SUPT20H: variants seen among roughly 807,000 people sequenced by gnomAD.
SUPT20H encodes transcription factor SPT20 homolog.
Under a neutral mutation model 122.8 loss-of-function variants are expected in SUPT20H, and 82 were observed. That is an observed-to-expected ratio of 0.67 (90% CI 0.56 to 0.80). The LOEUF is 0.80. Ranked by LOEUF, SUPT20H falls within the 30% of genes least tolerant of loss-of-function variation. The pLI is 0.00. For missense variants in SUPT20H, 831 were observed against 921.6 expected (o/e 0.90, Z 1.27); for synonymous variants, 291 against 313.0 (o/e 0.93, Z 0.74).
chr13:37,037,098 G>T (rs971012766), intron 9 of SUPT20H, among the ~76,000 whole-genome samples: 4 of 151,742 alleles, frequency 2.6e-5, no homozygotes, highest in Non-Finnish European at 5.9e-5. Context: ...TCAGGAGGCC[G>T]AGGTGGGAGG....
rs998114200 is a variant in SUPT20H at position 37,016,270 on chromosome 13, C to CA, written c.1992+974dup. On this transcript the variant is annotated intron_variant, in intron 23 of 25. Transcript: ENST00000350612. ...TGAAACTCCGTCTCTACTAAAAATA[C>CA]AAAAAAAAAATTAGTCGGGCGTGGT... 1.6e-3 allele frequency among the ~76,000 whole-genome samples: 243 copies of CA among 147,734 alleles called. 2 individuals are homozygous for CA. Among genetic ancestry groups the CA allele is most frequent in the African/African-American group, 5.1e-3 (206 of 40,408 alleles).
intron 23 of SUPT20H, among the ~76,000 whole-genome samples, chr13:37,016,345 G>A (rs1271373035): frequency 4.0e-5 from 6 of 151,758 alleles, no homozygotes; most frequent in East Asian, 1.9e-4. Context: ...CAGGAGAATC[G>A]CTTCAACCCA....
rs2059421158 is a variant in SUPT20H at position 37,010,561 on chromosome 13, TTGC to T, written c.2190_2192del (p.Gln732del). The T allele has an allele frequency of 1.2e-6, 2 of 1,613,530 alleles. No homozygotes were observed. The highest frequency in any genetic ancestry group is 1.3e-5 in the African/African-American group (1 of 74,894). ...GAAGTTGCTGGATTACTTGTATCTGTTGCTGCTGCTGTTGAAAGGCAGAGGAGA... is the reference window on the plus strand; with the variant it reads ...GAAGTTGCTGGATTACTTGTATCTGTTGCTGCTGTTGAAAGGCAGAGGAGA... On this transcript the variant is annotated inframe_deletion, in exon 25 of 26. Transcript: ENST00000350612.
At chr13:37,057,973 C>CAAAAAAAA (rs34624589) in intron 1 of SUPT20H, among the ~76,000 whole-genome samples, 3 of 98,062 alleles carry the variant, frequency 3.1e-5, no homozygotes, top group Non-Finnish European at 3.9e-5. Flanking sequence ...GACTCCGTCT[C>CAAAAAAAA]AAAAAAAAAA....
intron 2 of SUPT20H, among the ~76,000 whole-genome samples, chr13:37,049,545 G>C (rs780414669): frequency 2.6e-5 from 4 of 152,078 alleles, no homozygotes; most frequent in Non-Finnish European, 5.9e-5. Flanking sequence ...TTCAAGATCA[G>C]CCTGGCCAAC....
chr13:37,032,359 G>A (rs2063511212), intron 10 of SUPT20H, among the ~76,000 whole-genome samples: 1 of 152,140 alleles, frequency 6.6e-6, no homozygotes, highest in African/African-American at 2.4e-5. Flanking sequence ...GTACAGGCAT[G>A]TAAGACTCCG....
intron 7 of SUPT20H, among the ~76,000 whole-genome samples, chr13:37,042,497 T>C (rs1344301535): frequency 6.6e-6 from 1 of 152,032 alleles, no homozygotes; most frequent in Non-Finnish European, 1.5e-5. Flanking sequence ...ACAGGGATTA[T>C]AGTAAAAAAG....
chr13:37,031,142 CTTTAT>C (rs1346873418), intron 12 of SUPT20H, among the ~76,000 whole-genome samples: 2 of 152,048 alleles, frequency 1.3e-5, no homozygotes, highest in East Asian at 1.9e-4. Flanking sequence ...TATTATTAAT[CTTTAT>C]TTTATTTTAT....
In SUPT20H at chr13:37,023,116, T is replaced by C. The variant is rs556241665; in HGVS notation, c.1591+919A>G. 7.3e-5 allele frequency: 88 copies of C among 1,210,276 alleles called. No individual in the cohort carries two copies. The South Asian group carries it at 9.3e-4, about 13-fold the overall frequency. The allele number at this position is 1,210,276 out of a possible 1,614,324, so 75.0% of individuals were successfully genotyped here. ...CAACCCTTACTTAAAGTAACAACTG[T>C]GTGCAGTAGATTACCATAATCCATA... On this transcript the variant is annotated intron_variant, in intron 19 of 25. Coordinates refer to ENST00000350612, the MANE Select transcript of SUPT20H (RefSeq NM_001014286.3).
chr13:37,038,150 G>C (rs2064851454), intron 9 of SUPT20H: 1 of 151,598 alleles, frequency 6.6e-6, no homozygotes, highest in Non-Finnish European at 1.5e-5. Flanking sequence ...TCAATCAGTG[G>C]GTTTGATCAG....
intron 23 of SUPT20H, among the ~76,000 whole-genome samples, chr13:37,014,206 A>G (rs1566111159): frequency 6.6e-6 from 1 of 152,172 alleles, no homozygotes; most frequent in Non-Finnish European, 1.5e-5. Context: ...GGGTAAATTA[A>G]TCAAGGAAAT....
chr13:37,032,270 CAT>C (rs918549105), intron 10 of SUPT20H, among the ~76,000 whole-genome samples: 17 of 151,704 alleles, frequency 1.1e-4, no homozygotes, highest in African/African-American at 4.1e-4. Flanking sequence ...GAAAAAATGA[CAT>C]GTGAGCTGAG....
Position 37,009,727 on chromosome 13 carries a change from C to A in SUPT20H, c.2285G>T (p.Gly762Val), listed in dbSNP as rs2059245075. The change falls in exon 26 of 26, where the codon GGC becomes GTC. Residue 762 changes from glycine (G) to valine (V), a missense_variant. Physicochemically the swap from Gly to Val is moderately radical, Grantham distance 109. Coordinates refer to ENST00000350612, the MANE Select transcript of SUPT20H (RefSeq NM_001014286.3). ...CTTCATTTTACTTTTTGACTGGCTGCCTGTATGCCGATGATGATGTAGCTG... is the reference window on the plus strand; with the variant it reads ...CTTCATTTTACTTTTTGACTGGCTGACTGTATGCCGATGATGATGTAGCTG... ...TAQLHHHRHTGSQSKSKMKRG... is the reference protein window; with the variant it reads ...TAQLHHHRHTVSQSKSKMKRG... 2 of 1,613,894 alleles carry A rather than the reference C, an allele frequency of 1.2e-6. No individual in the cohort carries two copies. The highest frequency in any genetic ancestry group is 3.3e-5 in the Admixed American group (2 of 59,974).
chr13:37,026,292 A>C (rs2062258660), intron 15 of SUPT20H, 56 bp from the exon 16 acceptor site: 24 of 1,254,432 alleles, frequency 1.9e-5, no homozygotes, highest in Non-Finnish European at 2.3e-5. Context: ...AGTTGTCTTA[A>C]GAAGGCTTGG....
At chr13:37,025,672 A>G (rs577548068) in intron 16 of SUPT20H, among the ~76,000 whole-genome samples, 1 of 152,336 alleles carries the variant, frequency 6.6e-6, no homozygotes, top group East Asian at 1.9e-4. Context: ...TACTTTCAAT[A>G]TCTTATTTCT....
intron 10 of SUPT20H, among the ~76,000 whole-genome samples, 165 bp from the exon 11 acceptor site, chr13:37,032,060 T>C (rs1452858384): frequency 2.0e-5 from 3 of 151,940 alleles, no homozygotes; most frequent in East Asian, 1.9e-4. Flanking sequence ...TAAAAATGAA[T>C]AGGACAAACA....
chr13:37,043,071 G>A (rs998257339), intron 7 of SUPT20H, among the ~76,000 whole-genome samples: 1 of 152,036 alleles, frequency 6.6e-6, no homozygotes, highest in African/African-American at 2.4e-5. Flanking sequence ...TGCTCAACCT[G>A]TAACACAGTA....
rs1181500318 is a variant in SUPT20H at position 37,010,508 on chromosome 13, T to C, written c.2202+44A>G. Reference sequence around the variant, plus strand: ...AGTTATTTTGAGGTACTTTTGGAGCTGAGTATCTTTAAAAATGTAATCAGA... The same window carrying C: ...AGTTATTTTGAGGTACTTTTGGAGCCGAGTATCTTTAAAAATGTAATCAGA... On this transcript the variant is annotated intron_variant, in intron 25 of 25. Transcript: ENST00000350612. The C allele has an allele frequency of 3.2e-6, 5 of 1,539,842 alleles. No homozygotes were observed. The African/African-American group carries it at 6.8e-5, about 21-fold the overall frequency.
At chr13:37,057,446 GA>G (rs2139545179) in intron 1 of SUPT20H, among the ~76,000 whole-genome samples, 1 of 145,180 alleles carries the variant, frequency 6.9e-6, no homozygotes, top group African/African-American at 2.6e-5. Flanking sequence ...TCTGATGACA[GA>G]AAACAAGATT....
Sources: allele counts gnomAD v4.1 joint callset (sites outside exome capture counted in the v4.1 genomes callset), GRCh38; gene constraint gnomAD v4.1.1; transcripts MANE v1.5; gene names NCBI Gene and HGNC (gene_info 2026-07-23, HGNC 2026-07-21).